The following CSMD1 variants were observed in gnomAD, a reference collection of about 807,000 sequenced individuals.
The protein encoded by CSMD1 is CUB and Sushi multiple domains 1.
In CSMD1, 213 loss-of-function variants were observed where a neutral mutation model predicts 417.5. The ratio of observed to expected loss-of-function variants is 0.51; its 90% CI spans 0.46 to 0.57. CSMD1 has a LOEUF of 0.57. Among genes scored for constraint, CSMD1 ranks in the 20% least tolerant of loss-of-function variants. The probability of loss-of-function intolerance (pLI) is 0.00; values close to 1 mark genes in which losing one functional copy is unlikely to be tolerated. For missense variants in CSMD1, 6,923 were observed against 4,529.7 expected (o/e 1.53, Z -15.17); for synonymous variants, 2,862 against 1,736.8 (o/e 1.65, Z -16.11).
At chr8:3,905,536 A>G (rs1808054749) in intron 5 of CSMD1, among the ~76,000 whole-genome samples, 1 of 152,242 alleles carries the variant, frequency 6.6e-6, no homozygotes, top group Admixed American at 6.5e-5. Context: ...AACATTCAGC[A>G]TGCATTCCCA....
chr8:3,159,230 T>A (rs756992879), intron 38 of CSMD1, among the ~76,000 whole-genome samples: 1 of 152,222 alleles, frequency 6.6e-6, no homozygotes, highest in Non-Finnish European at 1.5e-5. Context: ...TTATTACCAA[T>A]CTAGGTAATA....
chr8:3,736,539 T>C (rs1002550386), intron 6 of CSMD1, among the ~76,000 whole-genome samples: 2 of 151,984 alleles, frequency 1.3e-5, no homozygotes, highest in Admixed American at 6.6e-5. Context: ...ACCACATGAG[T>C]AGAATATCAT....
chr8:4,945,561 A>G (rs1328971731), intron 1 of CSMD1, among the ~76,000 whole-genome samples: 1 of 152,154 alleles, frequency 6.6e-6, no homozygotes, highest in Non-Finnish European at 1.5e-5. Context: ...AAATGCTTTA[A>G]AAAATAAAGA....
At chr8:4,369,261 G>C (rs532951578) in intron 3 of CSMD1, among the ~76,000 whole-genome samples, 2 of 152,134 alleles carry the variant, frequency 1.3e-5, no homozygotes, top group East Asian at 3.9e-4. Context: ...GCTCTGATGG[G>C]TCTTTCTGAT....
At chr8:4,672,705 C>G (rs747037803) in intron 1 of CSMD1, among the ~76,000 whole-genome samples, 10 of 152,128 alleles carry the variant, frequency 6.6e-5, no homozygotes, top group Admixed American at 1.3e-4. Context: ...ACTGCGCACA[C>G]ACATGCACAC....
At position 3,646,050 on chromosome 8, in the gene CSMD1, C is replaced by CA. The variant is rs34203421; in HGVS notation, c.1010-29254dup. ...ACTAGAAATATTCTAAATTCCCAAC[C>CA]AAAAAAAAAAAGATTAAGTGAATTG... On this transcript the variant is annotated intron_variant, in intron 7 of 69. Coordinates refer to ENST00000635120, the MANE Select transcript of CSMD1 (RefSeq NM_033225.6). Among the ~76,000 whole-genome samples, 485 of 141,908 alleles carry CA rather than the reference C, an allele frequency of 3.4e-3. 3 individuals carry two copies. The East Asian group carries it at 0.046, about 13-fold the overall frequency. 93.1% of individuals were successfully genotyped at this position (141,908 alleles called of 152,430 possible). A position where few individuals can be genotyped will look rare whatever the true frequency, so the allele number is the denominator to read the frequency against.
chr8:4,661,938 G>T (rs1429751810), intron 1 of CSMD1, among the ~76,000 whole-genome samples: 1 of 152,074 alleles, frequency 6.6e-6, no homozygotes, highest in Non-Finnish European at 1.5e-5. Context: ...GGATTATATT[G>T]ACAGTTTCTA....
At chr8:3,366,198 C>T (rs1476220216) in intron 20 of CSMD1, among the ~76,000 whole-genome samples, 1 of 152,118 alleles carries the variant, frequency 6.6e-6, no homozygotes, top group African/African-American at 2.4e-5. Context: ...TGATTGTTCC[C>T]ATCCTTTGGC....
At chr8:3,391,682 G>A (rs1585095482) in intron 17 of CSMD1, among the ~76,000 whole-genome samples, 1 of 152,254 alleles carries the variant, frequency 6.6e-6, no homozygotes, top group East Asian at 1.9e-4. Context: ...ATTCAGAAAG[G>A]CCTTCTGGAG....
At chr8:3,556,415 T>TATATATATACATACATA (rs1799148435) in intron 10 of CSMD1, among the ~76,000 whole-genome samples, 12 of 57,102 alleles carry the variant, frequency 2.1e-4, no homozygotes, top group African/African-American at 6.8e-4. Context: ...ATATATATAT[T>TATATATATACATACATA]CACACACACA....
chr8:4,349,714 C>T (rs1484271007), intron 3 of CSMD1, among the ~76,000 whole-genome samples: 4 of 152,030 alleles, frequency 2.6e-5, no homozygotes, highest in South Asian at 2.1e-4. Context: ...ATACAATCAT[C>T]AGTTACAAGA....
At chr8:4,933,879 G>A (rs1027463596) in intron 1 of CSMD1, among the ~76,000 whole-genome samples, 2 of 152,126 alleles carry the variant, frequency 1.3e-5, no homozygotes, top group East Asian at 3.8e-4. Context: ...AGGCAGAGAA[G>A]CATCATTTCA....
intron 3 of CSMD1, among the ~76,000 whole-genome samples, chr8:4,382,852 G>C (rs1445445696): frequency 6.6e-6 from 1 of 152,138 alleles, no homozygotes; most frequent in Admixed American, 6.6e-5. Flanking sequence ...TACACATTTT[G>C]CCTACAAGGA....
At chr8:4,898,634 T>A (rs139577609) in intron 1 of CSMD1, among the ~76,000 whole-genome samples, 225 of 152,314 alleles carry the variant, frequency 1.5e-3, no homozygotes, top group Middle Eastern at 6.8e-3. Context: ...AAATTTTTTT[T>A]ATGAAAAATT....
At chr8:3,551,108 C>A (rs115199550) in intron 10 of CSMD1, among the ~76,000 whole-genome samples, 2,876 of 152,246 alleles carry the variant, frequency 0.019, 86 homozygotes, top group African/African-American at 0.053. Flanking sequence ...AGAGAGTAGA[C>A]TTGACCTCTT....
At chr8:4,878,563 G>C (rs1467565612) in intron 1 of CSMD1, among the ~76,000 whole-genome samples, 2 of 151,742 alleles carry the variant, frequency 1.3e-5, no homozygotes, top group Admixed American at 6.6e-5. Context: ...AAAGTCAATA[G>C]AATACAAGAC....
At chr8:3,909,354 C>G (rs3877992) in intron 5 of CSMD1, among the ~76,000 whole-genome samples, 77,933 of 151,766 alleles carry the variant, frequency 0.51, 23,359 homozygotes, top group South Asian at 0.66. Context: ...AAATGCCAGT[C>G]TGACTCACAT....
At chr8:4,315,414 C>A (rs1041032688) in intron 3 of CSMD1, among the ~76,000 whole-genome samples, 4 of 152,036 alleles carry the variant, frequency 2.6e-5, no homozygotes, top group African/African-American at 9.7e-5. Flanking sequence ...ATGAGTGGCC[C>A]ATGTTCAGCA....
At chr8:3,191,765 C>G (rs1052022985) in intron 33 of CSMD1, among the ~76,000 whole-genome samples, 3 of 152,184 alleles carry the variant, frequency 2.0e-5, no homozygotes, top group South Asian at 2.1e-4. Context: ...GTCCATCACA[C>G]TAGGCAAACT....
Sources: gnomAD v4.1 joint callset for allele counts (sites outside exome capture counted in the v4.1 genomes callset) on GRCh38, gnomAD v4.1.1 for gene constraint, MANE v1.5 for transcripts, NCBI Gene and HGNC (gene_info 2026-07-23, HGNC 2026-07-21) for gene names.